Variants in SDK2 observed in about 807,000 individuals in gnomAD.
The protein encoded by SDK2 is protein sidekick-2.
In SDK2, 105 loss-of-function variants were observed where a neutral mutation model predicts 253.9. The observed-to-expected ratio is 0.41, with a 90% confidence interval of 0.35 to 0.49. The LOEUF (loss-of-function observed/expected upper bound fraction) is 0.49. Ranked by LOEUF, SDK2 falls within the 20% of genes least tolerant of loss-of-function variation. The pLI is 0.06. For missense variants in SDK2, 2,608 were observed against 3,003.0 expected, an observed-to-expected ratio of 0.87 and a Z score of 3.07; for synonymous variants, 1,249 against 1,234.9, an observed-to-expected ratio of 1.01 and a Z score of -0.24.
chr17:73,482,937 A>G (rs936297871), intron 2 of SDK2, among the ~76,000 whole-genome samples: 1 of 152,184 alleles, frequency 6.6e-6, no homozygotes, highest in African/African-American at 2.4e-5. Flanking sequence ...CAGGTCAACT[A>G]CAGGGGAAGG....
chr17:73,643,957 T>TCCCCCCCCCCCCCCC lies in SDK2; in HGVS notation c.64+67_64+68insGGGGGGGGGGGGGGG. 3 of 1,019,996 alleles carry TCCCCCCCCCCCCCCC rather than the reference T, an allele frequency of 2.9e-6. No homozygotes were observed. The highest frequency in any genetic ancestry group is 3.1e-4 in the Middle Eastern group (1 of 3,210). The allele number at this position is 1,019,996 out of a possible 1,614,324, so 63.2% of individuals were successfully genotyped here. A position where few individuals can be genotyped will look rare whatever the true frequency, so the allele number is the denominator to read the frequency against. On this transcript the variant is annotated intron_variant, in intron 1 of 44. Coordinates refer to ENST00000392650, the MANE Select transcript of SDK2 (RefSeq NM_001144952.2). The surrounding 1 kb of genome is among the most constrained non-coding windows in gnomAD (Gnocchi z 6.9). ...GGAGGTCACCGTGAGGCCGGCCAGC[T>TCCCCCCCCCCCCCCC]CCCGCCGCCCCTCCCCCGCCCACTC...
rs371704241 is a variant in SDK2 at position 73,423,510 on chromosome 17, G to C, written c.1773C>G (p.His591Gln). 2 of 1,568,676 alleles carry C rather than the reference G, an allele frequency of 1.3e-6. No homozygotes were observed. Among genetic ancestry groups the C allele is most frequent in the East Asian group, 2.3e-5 (1 of 43,070 alleles). Residue 591 changes from histidine to glutamine, a missense_variant, in exon 14 of 45, where the codon CAC (histidine) becomes CAG (glutamine). By Grantham distance (24) the His-to-Gln change is conservative. Coordinates refer to ENST00000392650, the MANE Select transcript of SDK2 (RefSeq NM_001144952.2). ...GAGTGGCCACTGGGTGCTCGGGCGC[G>C]TGGGGCAGTTGCCTGGAAAAGAGAC... ...SAHLRVRQLPHAPEHPVATLS... is the reference protein window; with the variant it reads ...SAHLRVRQLPQAPEHPVATLS...
At chr17:73,620,158 C>T (rs2046115232) in intron 1 of SDK2, among the ~76,000 whole-genome samples, 1 of 150,670 alleles carries the variant, frequency 6.6e-6, no homozygotes, top group Non-Finnish European at 1.5e-5. Flanking sequence ...GTGTCTGTAC[C>T]TCTGCTCTCC....
intron 5 of SDK2, among the ~76,000 whole-genome samples, chr17:73,441,319 C>T (rs984767706): frequency 2.0e-5 from 3 of 152,106 alleles, no homozygotes; most frequent in Admixed American, 6.5e-5. Context: ...ACTCTCTGTA[C>T]GAGGTCAAAC....
At chr17:73,343,845 T>C (rs941755424) in intron 44 of SDK2, among the ~76,000 whole-genome samples, 1 of 152,218 alleles carries the variant, frequency 6.6e-6, no homozygotes, top group African/African-American at 2.4e-5. Context: ...CCTTATCTTG[T>C]TGAATCTCAT....
At chr17:73,438,435 G>A (rs577906874) in intron 6 of SDK2, among the ~76,000 whole-genome samples, 35 of 152,318 alleles carry the variant, frequency 2.3e-4, no homozygotes, top group African/African-American at 7.9e-4. Context: ...GCCTGCTGAT[G>A]GACTTGGAAC....
intron 1 of SDK2, among the ~76,000 whole-genome samples, chr17:73,536,976 C>A (rs1374203534): frequency 1.3e-5 from 2 of 152,192 alleles, no homozygotes; most frequent in East Asian, 3.9e-4. Flanking sequence ...GTTGGAGGAC[C>A]GCTGGGTGGA....
intron 3 of SDK2, among the ~76,000 whole-genome samples, chr17:73,464,962 G>T (rs563272855): frequency 2.0e-5 from 3 of 152,230 alleles, no homozygotes; most frequent in Admixed American, 6.5e-5. Context: ...GTCTCTCGTT[G>T]TGTCCCCACT....
chr17:73,393,534 C>T, intron 27 of SDK2, 26 bp downstream of exon 27: 1 of 1,502,790 alleles, frequency 6.7e-7, no homozygotes, highest in Non-Finnish European at 9.0e-7. Context: ...CCAGCCTTCC[C>T]CAAGCTTGCT....
chr17:73,548,363 G>A (rs2044999814), intron 1 of SDK2, among the ~76,000 whole-genome samples: 1 of 152,230 alleles, frequency 6.6e-6, no homozygotes, highest in South Asian at 2.1e-4. Context: ...TGTGCCTCCA[G>A]AAACCCTCTT....
chr17:73,355,783 T>C (rs2062587696), intron 40 of SDK2, among the ~76,000 whole-genome samples: 1 of 152,214 alleles, frequency 6.6e-6, no homozygotes, highest in Admixed American at 6.5e-5. Context: ...TCAGCATTTA[T>C]TGAATAAATA....
intron 44 of SDK2, among the ~76,000 whole-genome samples, chr17:73,342,943 A>C (rs2062451476): frequency 6.6e-6 from 1 of 152,186 alleles, no homozygotes; most frequent in Non-Finnish European, 1.5e-5. Context: ...AGAAGCCTCA[A>C]AGCTCCCCTG....
chr17:73,339,418 C>T (rs1290299775), intron 44 of SDK2, among the ~76,000 whole-genome samples: 1 of 151,816 alleles, frequency 6.6e-6, no homozygotes, highest in Non-Finnish European at 1.5e-5. Flanking sequence ...TTAGGGGTTT[C>T]ACCATGTTAG....
intron 1 of SDK2, among the ~76,000 whole-genome samples, chr17:73,526,846 T>A (rs934181772): frequency 7.2e-5 from 11 of 152,202 alleles, no homozygotes; most frequent in African/African-American, 2.7e-4. Flanking sequence ...CTGAATAATC[T>A]TTGATGAGCA....
intron 1 of SDK2, among the ~76,000 whole-genome samples, chr17:73,529,676 C>T (rs1284958042): frequency 6.6e-6 from 1 of 151,964 alleles, no homozygotes; most frequent in Non-Finnish European, 1.5e-5. Flanking sequence ...GGGAAGATGA[C>T]CATGGGAAGA....
At chr17:73,375,629 G>C (rs988815889) in intron 36 of SDK2, among the ~76,000 whole-genome samples, 36 of 152,230 alleles carry the variant, frequency 2.4e-4, no homozygotes, top group Admixed American at 9.2e-4. Flanking sequence ...GAGACCGAGG[G>C]CGGATCACCT....
At chr17:73,579,445 G>A (rs900614443) in intron 1 of SDK2, among the ~76,000 whole-genome samples, 13 of 152,034 alleles carry the variant, frequency 8.6e-5, no homozygotes, top group Admixed American at 2.6e-4. Context: ...CTTCTCGCAC[G>A]GTGCTCCCCC....
In SDK2 at chr17:73,629,377, C is replaced by G. The variant is rs1226496290; in HGVS notation, c.64+14648G>C. Among the ~76,000 whole-genome samples the G allele has an allele frequency of 7.2e-5, 11 of 152,160 alleles. No homozygotes were observed. The East Asian group carries it at 2.1e-3, about 29-fold the overall frequency. Reference sequence around the variant, plus strand: ...TGTTTCCCTCCTGACGCTTGCATAGCTTCTATGAGATGGTTGCTGCCCAGG... The same window carrying G: ...TGTTTCCCTCCTGACGCTTGCATAGGTTCTATGAGATGGTTGCTGCCCAGG... On this transcript the variant is annotated intron_variant, in intron 1 of 44. Transcript: ENST00000392650. This position sits in a 1 kb window ranked among gnomAD's most constrained non-coding sequence, Gnocchi z 5.0.
At chr17:73,572,338 G>C (rs1228223055) in intron 1 of SDK2, among the ~76,000 whole-genome samples, 1 of 151,928 alleles carries the variant, frequency 6.6e-6, no homozygotes, top group African/African-American at 2.4e-5. Context: ...TAGAATTCTG[G>C]GGTCTGCAGA....
Sources: gnomAD v4.1 joint callset for allele counts (sites outside exome capture counted in the v4.1 genomes callset) on GRCh38, gnomAD v4.1.1 for gene constraint, Gnocchi (gnomAD v3.1) non-coding constraint, MANE v1.5 for transcripts, NCBI Gene and HGNC (gene_info 2026-07-23, HGNC 2026-07-21) for gene names.